Variants in TBC1D5 observed in about 807,000 individuals in gnomAD.
TBC1D5 encodes TBC1 domain family, member 5.
TBC1D5 carries 75 observed loss-of-function variants against 100.3 expected under a neutral mutation model. That is an observed-to-expected ratio of 0.75 (90% confidence interval 0.62 to 0.91). The LOEUF is 0.91. Among genes scored for constraint, TBC1D5 ranks in the 40% least tolerant of loss-of-function variants. TBC1D5 has a pLI of 0.00. For synonymous variants in TBC1D5, 323 were observed against 325.6 expected (o/e 0.99, Z 0.09); for missense variants, 910 against 942.4 (o/e 0.97, Z 0.45).
chr3:17,481,849 T>C (rs1357265246), intron 3 of TBC1D5, among the ~76,000 whole-genome samples: 5 of 152,182 alleles, frequency 3.3e-5, no homozygotes, highest in South Asian at 2.1e-4. Flanking sequence ...CAAGCGATTC[T>C]CCTGCCTCAG....
In TBC1D5 at chr3:17,417,179, T is replaced by G. The variant is rs547374538; in HGVS notation, c.168-10653A>C. 5.3e-5 allele frequency among the ~76,000 whole-genome samples: 8 copies of G among 152,246 alleles called. No homozygotes were observed. In the South Asian group the frequency reaches 1.7e-3, roughly 32 times the overall value. ...AGACCTTTAAGATTTTTTTGACATT[T>G]ATTTTTTATTATTTTTTAATTATTA... On this transcript the variant is annotated intron_variant, in intron 4 of 21. Coordinates refer to ENST00000253692, the Ensembl canonical transcript of TBC1D5.
intron 1 of TBC1D5, among the ~76,000 whole-genome samples, chr3:17,699,755 G>A (rs2072850546): frequency 6.7e-6 from 1 of 149,418 alleles, no homozygotes; most frequent in Admixed American, 6.7e-5. Flanking sequence ...TCCTTTCAAT[G>A]TATCTGATTT....
chr3:17,292,144 G>C, intron 14 of TBC1D5, 143 bp from the exon 15 acceptor site: 1 of 683,856 alleles, frequency 1.5e-6, no homozygotes, highest in Non-Finnish European at 2.4e-6. Flanking sequence ...AGGAAGAAGG[G>C]ATCTTTACCA....
In TBC1D5 at chr3:17,406,401, A is replaced by T; in HGVS notation, c.276+17T>A. 7.5e-6 allele frequency: 12 copies of T among 1,600,824 alleles called. No homozygotes were observed. The highest frequency in any genetic ancestry group is 1.0e-5 in the Non-Finnish European group (12 of 1,174,512). On this transcript the variant is annotated intron_variant, in intron 5 of 21. Transcript: ENST00000253692. ...TATATTGCAACCAGAAACTGTAAAT[A>T]AATATTTTCTTCTTACCTTCCAGCA...
At chr3:17,232,878 T>C (rs2075536521) in intron 17 of TBC1D5, among the ~76,000 whole-genome samples, 1 of 152,154 alleles carries the variant, frequency 6.6e-6, no homozygotes, top group Non-Finnish European at 1.5e-5. Context: ...AAACATGGTA[T>C]GGATTTTAAT....
intron 2 of TBC1D5, among the ~76,000 whole-genome samples, chr3:17,514,861 G>A (rs1421861454): frequency 6.6e-6 from 1 of 151,906 alleles, no homozygotes; most frequent in Non-Finnish European, 1.5e-5. Context: ...AATTAGCTTG[G>A]CCTAGTGAGC....
At chr3:17,700,764 G>T (rs150530253) in intron 1 of TBC1D5, among the ~76,000 whole-genome samples, 3,401 of 152,160 alleles carry the variant, frequency 0.022, 110 homozygotes, top group African/African-American at 0.077. Flanking sequence ...GAAATGCAAA[G>T]CAAAACCACA....
chr3:17,366,755 G>GT (rs1467316670), intron 13 of TBC1D5, among the ~76,000 whole-genome samples: 1 of 151,718 alleles, frequency 6.6e-6, no homozygotes, highest in Non-Finnish European at 1.5e-5. Flanking sequence ...TCAAATATAG[G>GT]TTAAAAAAAA....
At chr3:17,461,061 G>C (rs2095198679) in intron 3 of TBC1D5, among the ~76,000 whole-genome samples, 2 of 152,106 alleles carry the variant, frequency 1.3e-5, no homozygotes, top group African/African-American at 2.4e-5. Flanking sequence ...AACTATTTAT[G>C]ATAATTATTA....
At chr3:17,652,603 TAGGTAGAGTCTGTCAACAATCA>T (rs1322800022) in intron 1 of TBC1D5, among the ~76,000 whole-genome samples, 2 of 152,120 alleles carry the variant, frequency 1.3e-5, no homozygotes, top group Admixed American at 1.3e-4. Context: ...GATGGAAAAA[TAGGTAGAGTCTGTCAACAATCA>T]AGTCCAGAAA....
At chr3:17,671,728 T>C (rs1337791322) in intron 1 of TBC1D5, among the ~76,000 whole-genome samples, 1 of 152,206 alleles carries the variant, frequency 6.6e-6, no homozygotes, top group African/African-American at 2.4e-5. Flanking sequence ...TGTCTATTAA[T>C]TATATAGAAA....
At chr3:17,463,531 G>C (rs908003207) in intron 3 of TBC1D5, among the ~76,000 whole-genome samples, 1 of 152,024 alleles carries the variant, frequency 6.6e-6, no homozygotes, top group Non-Finnish European at 1.5e-5. Context: ...GCTTAACCTT[G>C]GGCATACCAT....
At chr3:17,680,902 A>G (rs1229522599) in intron 1 of TBC1D5, among the ~76,000 whole-genome samples, 2 of 151,422 alleles carry the variant, frequency 1.3e-5, no homozygotes, top group African/African-American at 2.5e-5. Context: ...AAATTTTGCA[A>G]CCACATGGGA....
chr3:17,499,593 G>A (rs905801022), intron 3 of TBC1D5, among the ~76,000 whole-genome samples: 1 of 147,968 alleles, frequency 6.8e-6, no homozygotes, highest in Non-Finnish European at 1.5e-5. Flanking sequence ...TACTTGAAAG[G>A]CTGGGGTGGG....
chr3:17,661,917 G>A (rs922998272), intron 1 of TBC1D5, among the ~76,000 whole-genome samples: 8 of 151,610 alleles, frequency 5.3e-5, no homozygotes, highest in Non-Finnish European at 8.8e-5. Context: ...TTAAGACAGG[G>A]TCTTACTCTG....
At chr3:17,685,450 A>T (rs1425353301) in intron 1 of TBC1D5, among the ~76,000 whole-genome samples, 1 of 152,060 alleles carries the variant, frequency 6.6e-6, no homozygotes, top group Non-Finnish European at 1.5e-5. Flanking sequence ...AAAACAGCAA[A>T]TAAATAATTC....
intron 14 of TBC1D5, among the ~76,000 whole-genome samples, chr3:17,296,840 A>G (rs2150272087): frequency 6.6e-6 from 1 of 152,356 alleles, no homozygotes; most frequent in South Asian, 2.1e-4. Flanking sequence ...TTTTGTGCAG[A>G]ATAATATAAG....
At chr3:17,728,291 C>T (rs1209468835) in intron 1 of TBC1D5, among the ~76,000 whole-genome samples, 3 of 151,826 alleles carry the variant, frequency 2.0e-5, no homozygotes, top group Admixed American at 2.0e-4. Flanking sequence ...TTAGATAAGC[C>T]AACAAAATAA....
intron 1 of TBC1D5, among the ~76,000 whole-genome samples, chr3:17,720,077 T>C (rs2075567990): frequency 6.6e-6 from 1 of 152,180 alleles, no homozygotes; most frequent in African/African-American, 2.4e-5. Context: ...ATCAAGAAAA[T>C]TAAAACACTT....
Sources: allele counts gnomAD v4.1 joint callset (sites outside exome capture counted in the v4.1 genomes callset), GRCh38; gene constraint gnomAD v4.1.1; transcripts MANE v1.5; gene names NCBI Gene and HGNC (gene_info 2026-07-23, HGNC 2026-07-21).